NMNAT2: variants seen among roughly 807,000 people sequenced by gnomAD.
The protein encoded by NMNAT2 is nicotinamide/nicotinic acid mononucleotide adenylyltransferase 2.
In NMNAT2, 11 loss-of-function variants were observed where a neutral mutation model predicts 41.6. The observed-to-expected ratio is 0.26, with a 90% CI of 0.17 to 0.44. The LOEUF (loss-of-function observed/expected upper bound fraction) is 0.44, where lower values mean the gene tolerates loss of function less well. Ranked by LOEUF, NMNAT2 falls within the 20% of genes least tolerant of loss-of-function variation. The probability of loss-of-function intolerance (pLI) is 1.00; values close to 1 mark genes in which losing one functional copy is unlikely to be tolerated. For synonymous variants in NMNAT2, 148 were observed against 151.2 expected (o/e 0.98, Z 0.16); for missense variants, 288 against 407.7 (o/e 0.71, Z 2.53).
At chr1:183,379,829 T>C (rs1363252799) in intron 1 of NMNAT2, among the ~76,000 whole-genome samples, 1 of 152,228 alleles carries the variant, frequency 6.6e-6, no homozygotes, top group Non-Finnish European at 1.5e-5. Context: ...ATTCATGATA[T>C]AGTCATATTA....
chr1:183,283,653 C>T (rs1437345942), intron 7 of NMNAT2: 2 of 363,604 alleles, frequency 5.5e-6, no homozygotes, highest in Non-Finnish European at 1.1e-5. Flanking sequence ...TGCTCTTCTG[C>T]CTCATTTGTG....
Position 183,368,543 on chromosome 1 carries a change from C to T in NMNAT2, c.85+49640G>A, listed in dbSNP as rs528434703. On this transcript the variant is annotated intron_variant, in intron 1 of 10. Coordinates refer to ENST00000287713, the MANE Select transcript of NMNAT2 (RefSeq NM_015039.4). ...GTCTGAAGATCTGAAGGAGCTCAACCGCTTACAAGGGTGCTAATTCTGTCT... is the reference window on the plus strand; with the variant it reads ...GTCTGAAGATCTGAAGGAGCTCAACTGCTTACAAGGGTGCTAATTCTGTCT... 3.3e-5 allele frequency among the ~76,000 whole-genome samples: 5 copies of T among 152,284 alleles called. No individual in the cohort carries two copies. In the South Asian group the frequency reaches 8.3e-4, roughly 25 times the overall value.
chr1:183,362,582 A>G (rs1245639289), intron 1 of NMNAT2, among the ~76,000 whole-genome samples: 2 of 152,204 alleles, frequency 1.3e-5, no homozygotes, highest in Admixed American at 1.3e-4. Flanking sequence ...AGGTTCATCC[A>G]TGTTGTAGTA....
chr1:183,400,953 C>T (rs1377817711), intron 1 of NMNAT2, among the ~76,000 whole-genome samples: 1 of 152,044 alleles, frequency 6.6e-6, no homozygotes, highest in East Asian at 1.9e-4. Context: ...CCTAAAACCA[C>T]AAAAACCCTA....
chr1:183,286,749 A>C lies in NMNAT2; in HGVS notation c.361T>G (p.Ser121Ala), dbSNP rs1190039480. ...GGCTGTCCGATCACAGGTGTCATGG[A>C]AGGTGTGTTGACATTGGAGAGGATG... ...GCILSNVNTP[S>A]MTPVIGQPQN... Residue 121 changes from serine (S) to alanine (A), a missense_variant, in exon 5 of 11, where the codon TCC becomes GCC. Coordinates refer to ENST00000287713, the MANE Select transcript of NMNAT2 (RefSeq NM_015039.4). 1 of 1,611,480 alleles carries C rather than the reference A, an allele frequency of 6.2e-7. No individual in the cohort carries two copies.
chr1:183,255,086 T>C (rs562043732), intron 10 of NMNAT2, among the ~76,000 whole-genome samples: 5 of 152,336 alleles, frequency 3.3e-5, no homozygotes, highest in African/African-American at 1.2e-4. Flanking sequence ...TTTGAGCTGA[T>C]TTTTGTGACT....
intron 1 of NMNAT2, among the ~76,000 whole-genome samples, chr1:183,397,561 A>C (rs1295862778): frequency 1.3e-5 from 2 of 152,182 alleles, no homozygotes; most frequent in African/African-American, 4.8e-5. Context: ...AAATACAAAG[A>C]ACGCCACAAA....
intron 1 of NMNAT2, among the ~76,000 whole-genome samples, chr1:183,367,374 C>T (rs556722482): frequency 4.6e-5 from 7 of 152,188 alleles, no homozygotes; most frequent in Non-Finnish European, 1.0e-4. Context: ...AGGAGAATCG[C>T]TTGAACCCAG....
chr1:183,323,806 C>A (rs1002524052), intron 1 of NMNAT2, among the ~76,000 whole-genome samples: 1 of 152,196 alleles, frequency 6.6e-6, no homozygotes, highest in African/African-American at 2.4e-5. Context: ...ACCTCTCCCC[C>A]CACAGGAGAC....
intron 4 of NMNAT2, among the ~76,000 whole-genome samples, chr1:183,287,993 T>C (rs1661439352): frequency 6.6e-6 from 1 of 152,140 alleles, no homozygotes; most frequent in African/African-American, 2.4e-5. Flanking sequence ...CTGGGGTGGG[T>C]ACCACGGGAT....
At chr1:183,393,055 T>C (rs965900755) in intron 1 of NMNAT2, among the ~76,000 whole-genome samples, 4 of 152,176 alleles carry the variant, frequency 2.6e-5, no homozygotes, top group Non-Finnish European at 4.4e-5. Context: ...CAAATGGTGG[T>C]GGTGTCGGTG....
chr1:183,357,292 C>T (rs969255190), intron 1 of NMNAT2, among the ~76,000 whole-genome samples: 3 of 143,548 alleles, frequency 2.1e-5, no homozygotes, highest in East Asian at 2.1e-4. Context: ...TTCAGTGGCA[C>T]GATCTTGGCT....
intron 1 of NMNAT2, among the ~76,000 whole-genome samples, chr1:183,357,173 G>A (rs1392131670): frequency 6.6e-6 from 1 of 151,418 alleles, no homozygotes; most frequent in African/African-American, 2.4e-5. Context: ...AAGATGGGTG[G>A]CCAGGCCAAC....
At chr1:183,258,038 A>T (rs1233506659) in intron 10 of NMNAT2, among the ~76,000 whole-genome samples, 15 of 152,174 alleles carry the variant, frequency 9.9e-5, no homozygotes, top group Non-Finnish European at 1.9e-4. Flanking sequence ...GTTCCTCTGC[A>T]TGCTGGCCTC....
At chr1:183,399,481 T>C (rs962147037) in intron 1 of NMNAT2, among the ~76,000 whole-genome samples, 5 of 152,134 alleles carry the variant, frequency 3.3e-5, no homozygotes, top group African/African-American at 1.2e-4. Flanking sequence ...CTACCAGAGA[T>C]ACAAAGAGGA....
rs139756017 is a variant in NMNAT2, at chr1:183,253,904, C to CGTGTGTGTGT, written c.822-1171_822-1162dup. On this transcript the variant is annotated intron_variant, in intron 10 of 10. Coordinates refer to ENST00000287713, the MANE Select transcript of NMNAT2 (RefSeq NM_015039.4). ...TTTAAGTCGAATAATGTTCCACTTC[C>CGTGTGTGTGT]GTGTGTGTGTGTGTGTGTGTGTGTG... is the stretch of plus-strand genomic sequence containing the variant. Among the ~76,000 whole-genome samples, 87 of 144,366 alleles carry CGTGTGTGTGT rather than the reference C, an allele frequency of 6.0e-4. 1 individual carries two copies. Among genetic ancestry groups the CGTGTGTGTGT allele is most frequent in the Non-Finnish European group, 5.2e-4 (34 of 65,300 alleles). 94.7% of individuals were successfully genotyped at this position (144,366 alleles called of 152,430 possible).
At chr1:183,283,558 C>T (rs1661323039) in intron 7 of NMNAT2, 1 of 300,480 alleles carries the variant, frequency 3.3e-6, no homozygotes, top group Admixed American at 4.7e-5. Context: ...TAGCCTCTGC[C>T]CAAGGCTGCA....
In NMNAT2 at chr1:183,418,364, T is replaced by C. The variant is rs1571650035; in HGVS notation, c.-97A>G. The C allele has an allele frequency of 8.4e-7, 1 of 1,189,772 alleles. No individual in the cohort carries two copies. The highest frequency in any genetic ancestry group is 1.2e-6 in the Non-Finnish European group (1 of 803,422). The allele number at this position is 1,189,772 out of a possible 1,614,324, so 73.7% of individuals were successfully genotyped here. ...AGAAAGGAAGGCGAGGCTCCGGCGG[T>C]GGATGCTGTGGACTCCAAGGAGCCG... is the stretch of plus-strand genomic sequence containing the variant. On this transcript the variant is annotated 5_prime_UTR_variant, in exon 1 of 11. Coordinates refer to ENST00000287713, the MANE Select transcript of NMNAT2 (RefSeq NM_015039.4).
At chr1:183,283,830 A>C (rs758537081) in intron 7 of NMNAT2, 165 bp downstream of exon 7, 1 of 700,648 alleles carries the variant, frequency 1.4e-6, no homozygotes, top group South Asian at 1.5e-5. Flanking sequence ...AAAGGGAGCT[A>C]ACTACGAATG....
Sources: allele counts gnomAD v4.1 joint callset (sites outside exome capture counted in the v4.1 genomes callset), GRCh38; gene constraint gnomAD v4.1.1; transcripts MANE v1.5; gene names NCBI Gene and HGNC (gene_info 2026-07-23, HGNC 2026-07-21).